The following BCKDHB variants were observed in gnomAD, a reference collection of about 807,000 sequenced individuals.
The protein encoded by BCKDHB is branched chain keto acid dehydrogenase E1 subunit beta.
Under a neutral mutation model 48.5 loss-of-function variants are expected in BCKDHB, and 41 were observed. That is an observed-to-expected ratio of 0.85 (90% CI 0.66 to 1.10). The LOEUF is 1.10. Ranked by LOEUF, BCKDHB falls within the 50% of genes least tolerant of loss-of-function variation. The pLI, the probability that BCKDHB is intolerant of heterozygous loss-of-function variation, is 0.00. For missense variants in BCKDHB, 496 were observed against 494.2 expected (o/e 1.00, Z -0.03); for synonymous variants, 201 against 174.8 (o/e 1.15, Z -1.18).
chr6:80,341,501 C>A (rs1195586513), intron 9 of BCKDHB, among the ~76,000 whole-genome samples: 1 of 152,116 alleles, frequency 6.6e-6, no homozygotes, highest in Non-Finnish European at 1.5e-5. Flanking sequence ...TTTCTATGCT[C>A]GTGCAGACAT....
At chr6:80,226,489 G>T (rs150300517) in intron 8 of BCKDHB, among the ~76,000 whole-genome samples, 1 of 152,182 alleles carries the variant, frequency 6.6e-6, no homozygotes, top group Non-Finnish European at 1.5e-5. Context: ...GGATAACTTT[G>T]CATCCCTTTT....
chr6:80,249,985 G>A (rs1301005915), intron 8 of BCKDHB, among the ~76,000 whole-genome samples: 2 of 152,066 alleles, frequency 1.3e-5, no homozygotes, highest in Admixed American at 6.6e-5. Flanking sequence ...ATTCTGTGAG[G>A]GGAAGGGTTT....
At chr6:80,226,778 A>G (rs1328600942) in intron 8 of BCKDHB, among the ~76,000 whole-genome samples, 1 of 152,300 alleles carries the variant, frequency 6.6e-6, no homozygotes, top group East Asian at 1.9e-4. Flanking sequence ...ATAACACGAT[A>G]CACTCTTTCT....
chr6:80,272,532 T>C (rs995467820), intron 8 of BCKDHB, among the ~76,000 whole-genome samples: 3 of 152,186 alleles, frequency 2.0e-5, no homozygotes, highest in Non-Finnish European at 2.9e-5. Flanking sequence ...ACAACCACAT[T>C]GAACAACTAT....
the BCKDHB span, among the ~76,000 whole-genome samples, chr6:80,415,881 C>T: frequency 1.3e-5 from 2 of 150,964 alleles, no homozygotes; most frequent in Admixed American, 6.6e-5. Context: ...GTAGAATTCA[C>T]CTGTGAATCT....
At chr6:80,299,847 A>G (rs1478422384) in intron 9 of BCKDHB, among the ~76,000 whole-genome samples, 1 of 152,192 alleles carries the variant, frequency 6.6e-6, no homozygotes, top group Non-Finnish European at 1.5e-5. Context: ...AGGTTAAAAT[A>G]ATACATACCA....
chr6:80,385,624 C>T, the BCKDHB span, among the ~76,000 whole-genome samples: 15 of 152,104 alleles, frequency 9.9e-5, no homozygotes, highest in African/African-American at 2.7e-4. Flanking sequence ...CTCCTGAGGC[C>T]GTTGCCAGGC....
chr6:80,342,971 C>T (rs1043575967), intron 9 of BCKDHB, among the ~76,000 whole-genome samples: 4 of 152,120 alleles, frequency 2.6e-5, no homozygotes, highest in Non-Finnish European at 4.4e-5. Context: ...ATGCCGAGTT[C>T]GGTGCTTTGG....
intron 3 of BCKDHB, among the ~76,000 whole-genome samples, chr6:80,133,130 C>G (rs1361089418): frequency 6.6e-6 from 1 of 152,190 alleles, no homozygotes; most frequent in African/African-American, 2.4e-5. Flanking sequence ...ATCAAGTCAG[C>G]AGGTGGCAGC....
intron 8 of BCKDHB, among the ~76,000 whole-genome samples, chr6:80,242,899 G>A (rs1228088227): frequency 1.3e-5 from 2 of 152,124 alleles, no homozygotes; most frequent in Non-Finnish European, 2.9e-5. Context: ...AATCTGTTTG[G>A]GTTAAAGGCA....
At chr6:80,343,244 A>G (rs746365015) in intron 9 of BCKDHB, among the ~76,000 whole-genome samples, 1 of 152,242 alleles carries the variant, frequency 6.6e-6, no homozygotes, top group Non-Finnish European at 1.5e-5. Context: ...AATTACAAAC[A>G]TTTATTATGA....
chr6:80,441,978 G>A, the BCKDHB span, among the ~76,000 whole-genome samples: 1 of 152,106 alleles, frequency 6.6e-6, no homozygotes, highest in Non-Finnish European at 1.5e-5. Flanking sequence ...CGTGCAATAA[G>A]AGCATATAAA....
intron 8 of BCKDHB, among the ~76,000 whole-genome samples, chr6:80,241,442 G>A (rs1270890309): frequency 2.6e-5 from 4 of 152,100 alleles, no homozygotes; most frequent in Non-Finnish European, 4.4e-5. Flanking sequence ...TTTGGTATGA[G>A]TTGTCCTTTT....
intron 8 of BCKDHB, among the ~76,000 whole-genome samples, chr6:80,228,364 T>G (rs930076167): frequency 2.0e-5 from 3 of 152,344 alleles, no homozygotes; most frequent in South Asian, 4.1e-4. Context: ...CAAAAACATT[T>G]AAGCAGATGG....
At chr6:80,380,459 A>T in the BCKDHB span, among the ~76,000 whole-genome samples, 1 of 152,062 alleles carries the variant, frequency 6.6e-6, no homozygotes, top group African/African-American at 2.4e-5. Context: ...AGACCTAAAC[A>T]TAAGACTAGA....
chr6:80,252,784 CAT>C, intron 8 of BCKDHB, among the ~76,000 whole-genome samples: 1 of 152,184 alleles, frequency 6.6e-6, no homozygotes, highest in Non-Finnish European at 1.5e-5. Flanking sequence ...AAATGAGTAA[CAT>C]AAATATTAAG....
chr6:80,113,367 A>C (rs1769515712), intron 1 of BCKDHB, among the ~76,000 whole-genome samples: 6 of 152,216 alleles, frequency 3.9e-5, no homozygotes, highest in African/African-American at 1.4e-4. Context: ...ATGGCCACTG[A>C]AAGACTGAAA....
At chr6:80,297,981 T>A (rs191309200) in intron 9 of BCKDHB, among the ~76,000 whole-genome samples, 1 of 152,190 alleles carries the variant, frequency 6.6e-6, no homozygotes, top group East Asian at 1.9e-4. Context: ...GATTTTTTTT[T>A]TCCCCCAAAA....
intron 6 of BCKDHB, among the ~76,000 whole-genome samples, chr6:80,196,345 G>A (rs1275633689): frequency 6.6e-6 from 1 of 151,898 alleles, no homozygotes; most frequent in Non-Finnish European, 1.5e-5. Context: ...TTTTTCTTGT[G>A]TCAAGTACCT....
Sources: allele counts gnomAD v4.1 joint callset (sites outside exome capture counted in the v4.1 genomes callset), GRCh38; gene constraint gnomAD v4.1.1; transcripts MANE v1.5; gene names NCBI Gene and HGNC (gene_info 2026-07-23, HGNC 2026-07-21).